STK32B: variants seen among roughly 807,000 people sequenced by gnomAD.
The protein encoded by STK32B is serine/threonine kinase 32B, also known as serine/threonine-protein kinase 32B.
A neutral mutation model predicts 52.6 loss-of-function variants in STK32B; 43 were observed. That is an observed-to-expected ratio of 0.82 (90% CI 0.64 to 1.05). The LOEUF is 1.05. STK32B is among the 50% of genes least tolerant of loss of function. STK32B has a pLI of 0.00. For synonymous variants in STK32B, 238 were observed against 204.3 expected, an observed-to-expected ratio of 1.17 and a Z score of -1.41; for missense variants, 621 against 534.6, an observed-to-expected ratio of 1.16 and a Z score of -1.59.
rs774517650 is a variant in STK32B, at chr4:5,051,931, G to A, written c.52+16G>A. 8.8e-6 allele frequency: 14 copies of A among 1,584,970 alleles called. No homozygotes were observed. The highest frequency in any genetic ancestry group is 1.2e-5 in the Non-Finnish European group (14 of 1,166,270). The stretch of plus-strand genomic sequence containing the variant: ...AATGAGGAAGGTAAGAGAGCGAGAG[G>A]TGCGAATTCCCGCTTCGCGGGGCAT... On this transcript the variant is annotated intron_variant, in intron 1 of 11. Transcript: ENST00000282908.
chr4:5,461,988 A>C (rs1344118427), intron 9 of STK32B, among the ~76,000 whole-genome samples: 1 of 152,204 alleles, frequency 6.6e-6, no homozygotes, highest in Non-Finnish European at 1.5e-5. Flanking sequence ...CTTAGCATAG[A>C]GTGGCTGTTC....
chr4:5,176,150 A>G (rs773335422), intron 3 of STK32B, among the ~76,000 whole-genome samples: 5 of 152,156 alleles, frequency 3.3e-5, no homozygotes, highest in African/African-American at 4.8e-5. Flanking sequence ...CCCATTGGAA[A>G]AGCGTAGTAT....
At chr4:5,485,386 C>G (rs1230115201) in intron 11 of STK32B, among the ~76,000 whole-genome samples, 1 of 152,172 alleles carries the variant, frequency 6.6e-6, no homozygotes, top group Admixed American at 6.5e-5. Context: ...GAATCGGCTA[C>G]TGAGGCTTGT....
chr4:5,410,116 G>A (rs928497030), intron 5 of STK32B, among the ~76,000 whole-genome samples: 1 of 152,170 alleles, frequency 6.6e-6, no homozygotes, highest in African/African-American at 2.4e-5. Context: ...GTGTTGAACA[G>A]TGGCAGCCAA....
chr4:5,284,354 A>G (rs144433042), intron 3 of STK32B, among the ~76,000 whole-genome samples: 1 of 152,296 alleles, frequency 6.6e-6, no homozygotes, highest in African/African-American at 2.4e-5. Context: ...AACTCTAAAA[A>G]CTAGGTTTAA....
At chr4:5,204,621 C>T (rs1722427862) in intron 3 of STK32B, among the ~76,000 whole-genome samples, 1 of 152,008 alleles carries the variant, frequency 6.6e-6, no homozygotes, top group South Asian at 2.1e-4. Context: ...AGGTGGCTGC[C>T]ACCACACCTG....
chr4:5,129,787 C>T (rs1338893786), intron 1 of STK32B, among the ~76,000 whole-genome samples: 4 of 152,154 alleles, frequency 2.6e-5, no homozygotes, highest in African/African-American at 4.8e-5. Context: ...TCCTTAACTC[C>T]CTAGGCAGAA....
chr4:5,191,373 C>T (rs572691728), intron 3 of STK32B, among the ~76,000 whole-genome samples: 2 of 152,062 alleles, frequency 1.3e-5, no homozygotes. Context: ...GCCTCAGACT[C>T]CCCAGTAGCT....
At chr4:5,430,430 TTCTG>T (rs1713477952) in intron 6 of STK32B, among the ~76,000 whole-genome samples, 2 of 152,212 alleles carry the variant, frequency 1.3e-5, no homozygotes. Flanking sequence ...CTTTTATAGT[TTCTG>T]TCTTTCTATT....
Position 5,059,052 on chromosome 4 carries a change from C to CTTTTTTTTTTTTTTTTTTTTTTTTT in STK32B, c.52+7142_52+7166dup, listed in dbSNP as rs3072775. ...AGGCGTGAGCCACCACGCCCAGCTG[C>CTTTTTTTTTTTTTTTTTTTTTTTTT]TTTTTTTTTTTTTTTTTTTTTTTTT... is the stretch of plus-strand genomic sequence containing the variant. On this transcript the variant is annotated intron_variant, in intron 1 of 11. Transcript: ENST00000282908. Among the ~76,000 whole-genome samples, 10 of 86,920 alleles carry CTTTTTTTTTTTTTTTTTTTTTTTTT rather than the reference C, an allele frequency of 1.2e-4. 1 individual carries two copies. The highest frequency in any genetic ancestry group is 1.5e-4 in the Admixed American group (1 of 6,804). The allele number at this position is 86,920 out of a possible 152,430, so 57.0% of individuals were successfully genotyped here. A position where few individuals can be genotyped will look rare whatever the true frequency, so the allele number is the denominator to read the frequency against.
chr4:5,153,237 A>G (rs966925140), intron 2 of STK32B, among the ~76,000 whole-genome samples: 12 of 152,190 alleles, frequency 7.9e-5, no homozygotes, highest in African/African-American at 2.4e-4. Flanking sequence ...CATAGAGGAA[A>G]GGGTACAGGC....
intron 6 of STK32B, among the ~76,000 whole-genome samples, chr4:5,436,828 G>A (rs4689228): frequency 0.094 from 14,295 of 152,114 alleles, 1,016 homozygotes; most frequent in East Asian, 0.4. Flanking sequence ...CAGGCCCAGT[G>A]TCCAATTCTA....
intron 1 of STK32B, among the ~76,000 whole-genome samples, chr4:5,100,620 TTTTCTTTCTTTCTC>T (rs138526658): frequency 0.24 from 21,565 of 90,954 alleles, 2,258 homozygotes; most frequent in East Asian, 0.46. Flanking sequence ...CTTCCCTGCT[TTTTCTTTCTTTCTC>T]TTTCTTTCTT....
At chr4:5,079,082 T>C (rs1174449095) in intron 1 of STK32B, among the ~76,000 whole-genome samples, 1 of 152,228 alleles carries the variant, frequency 6.6e-6, no homozygotes, top group African/African-American at 2.4e-5. Flanking sequence ...CTTTTTTTAG[T>C]AAGCTTTTTT....
intron 1 of STK32B, among the ~76,000 whole-genome samples, chr4:5,089,040 G>A (rs928692006): frequency 6.6e-6 from 1 of 151,886 alleles, no homozygotes; most frequent in Non-Finnish European, 1.5e-5. Context: ...AAATTGTCAA[G>A]CCTTTTACCT....
chr4:5,481,996 T>C (rs560786502), intron 11 of STK32B, among the ~76,000 whole-genome samples: 125 of 152,360 alleles, frequency 8.2e-4, no homozygotes, highest in Middle Eastern at 3.4e-3. Flanking sequence ...AGTCTTGTAG[T>C]ACAGTTTGAA....
intron 1 of STK32B, among the ~76,000 whole-genome samples, chr4:5,065,571 G>A (rs904454160): frequency 1.3e-5 from 2 of 152,164 alleles, no homozygotes; most frequent in Non-Finnish European, 1.5e-5. Context: ...ATCTTGCAGT[G>A]TCTCGCCTGT....
At chr4:5,360,692 G>C (rs1368991353) in intron 4 of STK32B, among the ~76,000 whole-genome samples, 2 of 152,154 alleles carry the variant, frequency 1.3e-5, no homozygotes, top group South Asian at 2.1e-4. Flanking sequence ...TGTAATCCCA[G>C]CTACTCGGGA....
At chr4:5,236,982 A>G (rs1170333133) in intron 3 of STK32B, among the ~76,000 whole-genome samples, 2 of 152,194 alleles carry the variant, frequency 1.3e-5, no homozygotes, top group South Asian at 2.1e-4. Context: ...CTGTACCAAC[A>G]TCCACTGTTC....
Sources: gnomAD v4.1 joint callset for allele counts (sites outside exome capture counted in the v4.1 genomes callset) on GRCh38, gnomAD v4.1.1 for gene constraint, MANE v1.5 for transcripts, NCBI Gene and HGNC (gene_info 2026-07-23, HGNC 2026-07-21) for gene names.